Variants in NXPH1 observed in about 807,000 individuals in gnomAD.
NXPH1 encodes the protein neurexophilin 1.
Under a neutral mutation model 23.7 loss-of-function variants are expected in NXPH1, and 5 were observed. That is an observed-to-expected ratio of 0.21 (90% CI 0.11 to 0.44). The LOEUF (loss-of-function observed/expected upper bound fraction) is 0.44, where lower values mean the gene tolerates loss of function less well. Among genes scored for constraint, NXPH1 ranks in the 20% least tolerant of loss-of-function variants. The probability of loss-of-function intolerance (pLI) is 0.99; values close to 1 mark genes in which losing one functional copy is unlikely to be tolerated. For missense variants in NXPH1, 324 were observed against 321.6 expected (o/e 1.01, Z -0.06); for synonymous variants, 144 against 122.2 (o/e 1.18, Z -1.18).
At position 8,501,717 on chromosome 7, in the gene NXPH1, T is replaced by C. The variant is rs533101576; in HGVS notation, c.54+65950T>C. On this transcript the variant is annotated intron_variant, in intron 2 of 2. Transcript: ENST00000405863. ...AGGAGCAAGTACACCAATTATCTGA[T>C]ATGTCATTGGCGCTTTATAAATGAA... is the stretch of plus-strand genomic sequence containing the variant. Among the ~76,000 whole-genome samples, 19 of 152,128 alleles carry C rather than the reference T, an allele frequency of 1.2e-4. No homozygotes were observed. In the South Asian group the frequency reaches 3.5e-3, roughly 28 times the overall value.
chr7:8,527,365 G>T (rs1233056176), intron 2 of NXPH1, among the ~76,000 whole-genome samples: 2 of 152,192 alleles, frequency 1.3e-5, no homozygotes, highest in Non-Finnish European at 2.9e-5. Context: ...ACTCAGTGAA[G>T]CTCAGATGGC....
chr7:8,474,366 T>C (rs1816930851), intron 2 of NXPH1, among the ~76,000 whole-genome samples: 1 of 152,104 alleles, frequency 6.6e-6, no homozygotes, highest in Admixed American at 6.6e-5. Flanking sequence ...TTAATAACTA[T>C]TGTTTTATAT....
At chr7:8,629,195 T>G (rs1426552098) in intron 2 of NXPH1, among the ~76,000 whole-genome samples, 2 of 152,114 alleles carry the variant, frequency 1.3e-5, no homozygotes, top group African/African-American at 4.8e-5. Context: ...AACCAGGTAT[T>G]TGTAAAAAAT....
At chr7:8,487,532 G>T (rs1441314187) in intron 2 of NXPH1, among the ~76,000 whole-genome samples, 4 of 152,044 alleles carry the variant, frequency 2.6e-5, no homozygotes, top group Non-Finnish European at 4.4e-5. Context: ...GCAGCAGTGG[G>T]AACAGACTAA....
chr7:8,742,995 A>G (rs979995111), intron 2 of NXPH1, among the ~76,000 whole-genome samples: 1 of 152,068 alleles, frequency 6.6e-6, no homozygotes, highest in Non-Finnish European at 1.5e-5. Context: ...AATGTAATAC[A>G]ATGCCATATG....
At chr7:8,699,640 C>T (rs1385332831) in intron 2 of NXPH1, among the ~76,000 whole-genome samples, 1 of 152,096 alleles carries the variant, frequency 6.6e-6, no homozygotes, top group African/African-American at 2.4e-5. Context: ...TATATCAACA[C>T]ATTGTGTACT....
At chr7:8,511,259 T>A (rs1007018353) in intron 2 of NXPH1, among the ~76,000 whole-genome samples, 3 of 152,152 alleles carry the variant, frequency 2.0e-5, no homozygotes, top group African/African-American at 7.2e-5. Flanking sequence ...CCAGGCTTTG[T>A]GTTGGTGACT....
intron 2 of NXPH1, among the ~76,000 whole-genome samples, chr7:8,479,896 C>T (rs1007722656): frequency 2.0e-4 from 31 of 152,090 alleles, no homozygotes; most frequent in African/African-American, 2.7e-4. Flanking sequence ...CTTCAGAAGA[C>T]GCAAGAGAAC....
chr7:8,463,303 T>C (rs952795183), intron 2 of NXPH1, among the ~76,000 whole-genome samples: 79 of 152,234 alleles, frequency 5.2e-4, no homozygotes, highest in African/African-American at 1.8e-3. Flanking sequence ...ATCTTTTTTT[T>C]TTTCATGGCC....
At chr7:8,641,725 C>G (rs1478322575) in intron 2 of NXPH1, among the ~76,000 whole-genome samples, 1 of 152,128 alleles carries the variant, frequency 6.6e-6, no homozygotes, top group African/African-American at 2.4e-5. Flanking sequence ...ATAGTTACAT[C>G]TCATTTTATT....
At chr7:8,674,628 C>A (rs971754963) in intron 2 of NXPH1, among the ~76,000 whole-genome samples, 1 of 151,998 alleles carries the variant, frequency 6.6e-6, no homozygotes. Context: ...AAGTAGAAGG[C>A]CAGAGATAAG....
intron 2 of NXPH1, among the ~76,000 whole-genome samples, chr7:8,678,977 C>T (rs1340621713): frequency 4.7e-5 from 4 of 84,456 alleles, no homozygotes; most frequent in South Asian, 3.9e-4. Context: ...GAGACGGAGT[C>T]TCGCTCTGTC....
chr7:8,581,325 C>G (rs368071014), intron 2 of NXPH1, among the ~76,000 whole-genome samples: 1 of 152,276 alleles, frequency 6.6e-6, no homozygotes, highest in African/African-American at 2.4e-5. Flanking sequence ...TGAATTGGCT[C>G]ATAGTTCCAC....
chr7:8,453,092 CAG>C (rs1166960146), intron 2 of NXPH1, among the ~76,000 whole-genome samples: 1 of 151,816 alleles, frequency 6.6e-6, no homozygotes, highest in Non-Finnish European at 1.5e-5. Flanking sequence ...GTCTAAAAGA[CAG>C]AAAGAATTAA....
chr7:8,565,612 A>G (rs1024969476), intron 2 of NXPH1, among the ~76,000 whole-genome samples: 2 of 151,870 alleles, frequency 1.3e-5, no homozygotes, highest in African/African-American at 4.8e-5. Context: ...GAGAAAAAAC[A>G]TGAAACTATG....
At chr7:8,688,949 C>A (rs1821187265) in intron 2 of NXPH1, among the ~76,000 whole-genome samples, 1 of 151,914 alleles carries the variant, frequency 6.6e-6, no homozygotes, top group African/African-American at 2.4e-5. Flanking sequence ...TTTCTAGGTA[C>A]CTTCGTTTTC....
chr7:8,689,616 G>A (rs571700341), intron 2 of NXPH1, among the ~76,000 whole-genome samples: 39 of 152,148 alleles, frequency 2.6e-4, no homozygotes, highest in Middle Eastern at 3.2e-3. Flanking sequence ...CCATAGCCTG[G>A]TAGGGCATGA....
At chr7:8,643,247 G>A (rs1005878245) in intron 2 of NXPH1, among the ~76,000 whole-genome samples, 1 of 151,898 alleles carries the variant, frequency 6.6e-6, no homozygotes. Flanking sequence ...GTACATTTTC[G>A]CTATTTTATC....
At chr7:8,738,626 T>A (rs959736069) in intron 2 of NXPH1, among the ~76,000 whole-genome samples, 1 of 152,192 alleles carries the variant, frequency 6.6e-6, no homozygotes, top group African/African-American at 2.4e-5. Flanking sequence ...GGAGGCAGTC[T>A]GTCCCTTAGC....
Sources: allele counts gnomAD v4.1 joint callset (sites outside exome capture counted in the v4.1 genomes callset), GRCh38; gene constraint gnomAD v4.1.1; transcripts MANE v1.5; gene names NCBI Gene and HGNC (gene_info 2026-07-23, HGNC 2026-07-21).